Variants in SUFU observed in about 807,000 individuals in gnomAD.
SUFU encodes the protein suppressor of fused homolog.
Under a neutral mutation model 58.9 loss-of-function variants are expected in SUFU, and 7 were observed. That is an observed-to-expected ratio of 0.12 (90% CI 0.07 to 0.22). The LOEUF (loss-of-function observed/expected upper bound fraction) is 0.22. Among genes scored for constraint, SUFU ranks in the 10% least tolerant of loss-of-function variants. The probability of loss-of-function intolerance (pLI) is 1.00; values close to 1 mark genes in which losing one functional copy is unlikely to be tolerated. For synonymous variants in SUFU, 232 were observed against 254.8 expected, an observed-to-expected ratio of 0.91 and a Z score of 0.85; for missense variants, 451 against 641.3, an observed-to-expected ratio of 0.70 and a Z score of 3.20.
chr10:102,599,367 C>T, intron 7 of SUFU, 66 bp from the exon 8 acceptor site: 2 of 1,281,276 alleles, frequency 1.6e-6, no homozygotes, highest in East Asian at 2.3e-5. Context: ...AGCCAGGTTT[C>T]AAGAGCGGGG....
At chr10:102,586,629 C>T (rs1016762802) in intron 3 of SUFU, among the ~76,000 whole-genome samples, 3 of 152,170 alleles carry the variant, frequency 2.0e-5, no homozygotes, top group Admixed American at 1.3e-4. Context: ...GCCGAGATCA[C>T]GCCACCGCAC....
At chr10:102,605,981 G>T in intron 8 of SUFU, among the ~76,000 whole-genome samples, 1 of 152,218 alleles carries the variant, frequency 6.6e-6, no homozygotes, top group East Asian at 1.9e-4. Context: ...CAATGGTTCA[G>T]CTCCTCTCCT....
chr10:102,582,243 A>G (rs1303862545), intron 3 of SUFU, among the ~76,000 whole-genome samples: 2 of 152,170 alleles, frequency 1.3e-5, no homozygotes, highest in Non-Finnish European at 1.5e-5. Context: ...TATTATGTAG[A>G]ACATCACGGG....
chr10:102,567,426 A>G (rs1003304381), intron 3 of SUFU, among the ~76,000 whole-genome samples: 3 of 152,094 alleles, frequency 2.0e-5, no homozygotes, highest in Non-Finnish European at 4.4e-5. Context: ...ACTGCTTGAG[A>G]TTCCCTGGGA....
At chr10:102,563,099 G>T (rs2063054984) in intron 3 of SUFU, among the ~76,000 whole-genome samples, 1 of 152,136 alleles carries the variant, frequency 6.6e-6, no homozygotes, top group South Asian at 2.1e-4. Context: ...TAACCAGCCT[G>T]CTCTGCGTGC....
intron 2 of SUFU, among the ~76,000 whole-genome samples, chr10:102,524,324 C>CTTTTTTT (rs1384276713): frequency 1.7e-5 from 2 of 119,880 alleles, no homozygotes; most frequent in Admixed American, 9.0e-5. Flanking sequence ...TTTTTCTTTT[C>CTTTTTTT]TTTTCTTTTT....
chr10:102,539,443 T>C (rs2062775583), intron 2 of SUFU, among the ~76,000 whole-genome samples: 1 of 151,444 alleles, frequency 6.6e-6, no homozygotes, highest in South Asian at 2.1e-4. Flanking sequence ...GATTGTTTGG[T>C]TAAGGTGGTG....
At chr10:102,573,303 A>G (rs2063181828) in intron 3 of SUFU, 3 of 552,918 alleles carry the variant, frequency 5.4e-6, no homozygotes, top group Non-Finnish European at 9.9e-6. Context: ...GGCTACTATC[A>G]AAAAAAGAAA....
At chr10:102,603,737 T>C (rs2063536642) in intron 8 of SUFU, among the ~76,000 whole-genome samples, 2 of 152,194 alleles carry the variant, frequency 1.3e-5, no homozygotes, top group African/African-American at 2.4e-5. Flanking sequence ...CACACACATA[T>C]ACATAGATTT....
intron 8 of SUFU, among the ~76,000 whole-genome samples, chr10:102,601,114 C>A (rs934296628): frequency 5.9e-5 from 9 of 152,170 alleles, no homozygotes; most frequent in African/African-American, 2.2e-4. Context: ...CAGTCTCAGT[C>A]CAGATGGCTC....
chr10:102,608,635 G>T (rs1004056757), intron 8 of SUFU, among the ~76,000 whole-genome samples: 9 of 152,228 alleles, frequency 5.9e-5, no homozygotes, highest in Non-Finnish European at 1.0e-4. Context: ...AGTCCTGTGA[G>T]AAAGCAGCTT....
intron 3 of SUFU, among the ~76,000 whole-genome samples, chr10:102,585,380 A>G (rs141513879): frequency 3.9e-5 from 6 of 152,280 alleles, no homozygotes; most frequent in African/African-American, 1.2e-4. Flanking sequence ...TTTAAGGTTC[A>G]TGTTATAGTA....
intron 5 of SUFU, 46 bp downstream of exon 5, chr10:102,593,767 G>T: frequency 6.3e-7 from 1 of 1,589,722 alleles, no homozygotes; most frequent in Non-Finnish European, 8.6e-7. Context: ...GGGCCTGGGG[G>T]TGGGAGTCCC....
intron 6 of SUFU, among the ~76,000 whole-genome samples, chr10:102,595,640 C>T (rs931429809): frequency 1.7e-4 from 26 of 152,070 alleles, no homozygotes; most frequent in African/African-American, 5.1e-4. Flanking sequence ...CCACAGGACC[C>T]GGAGCACCTA....
At chr10:102,517,217 G>A (rs1354585549) in intron 2 of SUFU, among the ~76,000 whole-genome samples, 2 of 152,032 alleles carry the variant, frequency 1.3e-5, no homozygotes, top group African/African-American at 4.8e-5. Context: ...GGACTCGGGG[G>A]CCAGAGATTA....
chr10:102,518,549 T>TATCTATCTATCTATCTATCTATCTATC (rs35214493), intron 2 of SUFU, among the ~76,000 whole-genome samples: 1 of 80,306 alleles, frequency 1.2e-5, no homozygotes, highest in Non-Finnish European at 2.3e-5. Flanking sequence ...ATCTATCTAT[T>TATCTATCTATCTATCTATCTATCTATC]TATTTATTTA....
chr10:102,617,648 C>A lies in SUFU; in HGVS notation c.1296+220C>A. On this transcript the variant is annotated intron_variant, in intron 10 of 11. Coordinates refer to ENST00000369902, the MANE Select transcript of SUFU (RefSeq NM_016169.4). This position sits in a 1 kb window ranked among gnomAD's most constrained non-coding sequence, Gnocchi z 4.4. ...ACTTCCTGACCTTCTCCCCCTGTCA[C>A]CTGAGACACAAGTGTTAACTCTCCA... The A allele has an allele frequency of 1.6e-6, 1 of 633,098 alleles. No individual in the cohort carries two copies. The highest frequency in any genetic ancestry group is 2.8e-6 in the Non-Finnish European group (1 of 351,796). The allele number at this position is 633,098 out of a possible 1,614,324, so 39.2% of individuals were successfully genotyped here.
intron 10 of SUFU, among the ~76,000 whole-genome samples, chr10:102,623,713 A>T (rs969914219): frequency 6.6e-6 from 1 of 152,074 alleles, no homozygotes; most frequent in Non-Finnish European, 1.5e-5. Context: ...GCCAAGGCGG[A>T]TGGATCATTT....
At chr10:102,580,509 G>A (rs774456001) in intron 3 of SUFU, among the ~76,000 whole-genome samples, 1 of 152,082 alleles carries the variant, frequency 6.6e-6, no homozygotes, top group Non-Finnish European at 1.5e-5. Context: ...GTATGGAGCC[G>A]GGTAGGCAGG....
Sources: allele counts gnomAD v4.1 joint callset (sites outside exome capture counted in the v4.1 genomes callset), GRCh38; gene constraint gnomAD v4.1.1; non-coding constraint Gnocchi (gnomAD v3.1); transcripts MANE v1.5; gene names NCBI Gene and HGNC (gene_info 2026-07-23, HGNC 2026-07-21).